Variants in MTTP observed in about 807,000 individuals in gnomAD.
The protein encoded by MTTP is microsomal triglyceride transfer protein large subunit.
In MTTP, 49 loss-of-function variants were observed where a neutral mutation model predicts 90.6. The observed-to-expected ratio is 0.54, with a 90% confidence interval of 0.43 to 0.69. The LOEUF (loss-of-function observed/expected upper bound fraction) is 0.69. Among genes scored for constraint, MTTP ranks in the 30% least tolerant of loss-of-function variants. The probability of loss-of-function intolerance (pLI) is 0.00; values close to 1 mark genes in which losing one functional copy is unlikely to be tolerated. For missense variants in MTTP, 945 were observed against 1,067.5 expected (o/e 0.89, Z 1.60); for synonymous variants, 347 against 384.2 (o/e 0.90, Z 1.13).
chr4:99,591,961 G>A (rs1401496384), intron 6 of MTTP, among the ~76,000 whole-genome samples, 171 bp downstream of exon 6: 1 of 152,034 alleles, frequency 6.6e-6, no homozygotes, highest in Non-Finnish European at 1.5e-5. Context: ...TTTCATCACT[G>A]TGCAAACATC....
chr4:99,622,919 G>GCTCT lies in MTTP; in HGVS notation c.*74_*77dup. ...CACAATGTGGCATGACTAAGTACTT[G>GCTCT]CTCTCTGAGAGCACAGCGTTTACAT... On this transcript the variant is annotated 3_prime_UTR_variant, in exon 18 of 18. Transcript: ENST00000265517. The GCTCT allele has an allele frequency of 6.7e-7, 1 of 1,500,420 alleles. No homozygotes were observed. Among genetic ancestry groups the GCTCT allele is most frequent in the South Asian group, 1.1e-5 (1 of 88,698 alleles). 92.9% of individuals were successfully genotyped at this position (1,500,420 alleles called of 1,614,324 possible). A position where few individuals can be genotyped will look rare whatever the true frequency, so the allele number is the denominator to read the frequency against.
chr4:99,605,235 T>A (rs749622322), intron 10 of MTTP, among the ~76,000 whole-genome samples: 1 of 152,108 alleles, frequency 6.6e-6, no homozygotes, highest in Non-Finnish European at 1.5e-5. Flanking sequence ...GTAAAAAAAA[T>A]CACTCATTAA....
chr4:99,594,938 G>A, intron 7 of MTTP, 55 bp downstream of exon 7: 1 of 1,596,522 alleles, frequency 6.3e-7, no homozygotes, highest in Middle Eastern at 1.7e-4. Flanking sequence ...TTTTCATTTT[G>A]TCTCCAGTGA....
At chr4:99,568,106 C>T (rs113623656) in intron 1 of MTTP, among the ~76,000 whole-genome samples, 1,536 of 152,044 alleles carry the variant, frequency 0.01, 15 homozygotes, top group Middle Eastern at 0.02. Flanking sequence ...AATAAAAGAA[C>T]TCAGACAATA....
intron 11 of MTTP, among the ~76,000 whole-genome samples, chr4:99,607,433 G>A (rs1462096765): frequency 6.6e-6 from 1 of 152,138 alleles, no homozygotes; most frequent in Non-Finnish European, 1.5e-5. Flanking sequence ...CACCAGTTTT[G>A]TGTTGAAGTT....
At chr4:99,603,559 T>A (rs1252902420) in intron 10 of MTTP, among the ~76,000 whole-genome samples, 4 of 152,068 alleles carry the variant, frequency 2.6e-5, no homozygotes, top group African/African-American at 9.7e-5. Flanking sequence ...TGATAAGATG[T>A]GGAAAATGAG....
At chr4:99,569,930 G>A (rs1216713117), upstream of MTTP, among the ~76,000 whole-genome samples, 1 of 151,772 alleles carries the variant, frequency 6.6e-6, no homozygotes, top group Non-Finnish European at 1.5e-5. Flanking sequence ...GAATTGATAC[G>A]CCATAATTTA....
intron 3 of MTTP, among the ~76,000 whole-genome samples, chr4:99,586,496 C>G (rs1725262065): frequency 6.6e-6 from 1 of 152,044 alleles, no homozygotes; most frequent in Non-Finnish European, 1.5e-5. Flanking sequence ...GATTTGCTCT[C>G]TAAATCAGCA....
At chr4:99,619,735 G>T (rs1726183960) in intron 16 of MTTP, among the ~76,000 whole-genome samples, 1 of 152,180 alleles carries the variant, frequency 6.6e-6, no homozygotes, top group South Asian at 2.1e-4. Flanking sequence ...TCAGGCAAAA[G>T]TGAGATATGT....
At chr4:99,584,118 A>G (rs1448948836) in intron 3 of MTTP, 1 of 152,304 alleles carries the variant, frequency 6.6e-6, no homozygotes, top group Non-Finnish European at 1.5e-5. Context: ...TGTTTTAAAA[A>G]TTCTATGTGT....
chr4:99,564,866 A>G (rs1166169201), intron 1 of MTTP, among the ~76,000 whole-genome samples: 2 of 152,234 alleles, frequency 1.3e-5, no homozygotes, highest in African/African-American at 2.4e-5. Flanking sequence ...GAGATTCTCT[A>G]AAAGAGCCGA....
At chr4:99,615,645 A>G (rs566870985) in intron 15 of MTTP, among the ~76,000 whole-genome samples, 1 of 152,354 alleles carries the variant, frequency 6.6e-6, no homozygotes, top group African/African-American at 2.4e-5. Flanking sequence ...AAATGTTGGC[A>G]GTGGGTAGCC....
At chr4:99,622,289 C>T (rs775977399) in intron 17 of MTTP, among the ~76,000 whole-genome samples, 9 of 152,170 alleles carry the variant, frequency 5.9e-5, no homozygotes, top group Non-Finnish European at 1.3e-4. Flanking sequence ...GAATGTTTCT[C>T]TGTCCGCATT....
upstream of MTTP, among the ~76,000 whole-genome samples, chr4:99,570,218 T>C (rs185968702): frequency 2.6e-5 from 4 of 152,146 alleles, no homozygotes; most frequent in Admixed American, 2.6e-4. Flanking sequence ...TTTTCAGTTT[T>C]AGTTTTTCTG....
At chr4:99,583,896 T>C (rs1003524487) in intron 3 of MTTP, 1 of 365,636 alleles carries the variant, frequency 2.7e-6, no homozygotes, top group Non-Finnish European at 4.9e-6. Flanking sequence ...ATTATGAGAC[T>C]GAAATGATCC....
intron 1 of MTTP, among the ~76,000 whole-genome samples, chr4:99,567,622 C>T (rs1578225719): frequency 1.3e-5 from 2 of 152,232 alleles, no homozygotes; most frequent in East Asian, 1.9e-4. Context: ...TGTAAATTCT[C>T]GAAACCAACA....
intron 6 of MTTP, among the ~76,000 whole-genome samples, chr4:99,593,317 T>G (rs1725475024): frequency 6.6e-6 from 1 of 152,300 alleles, no homozygotes; most frequent in Non-Finnish European, 1.5e-5. Flanking sequence ...TTCTAGTTCA[T>G]TTTCTAATTT....
chr4:99,576,552 G>A (rs964616868), intron 1 of MTTP, among the ~76,000 whole-genome samples: 3 of 151,136 alleles, frequency 2.0e-5, no homozygotes, highest in Non-Finnish European at 4.4e-5. Flanking sequence ...AAAATTAGCC[G>A]GGCGTAGTGG....
intron 10 of MTTP, among the ~76,000 whole-genome samples, chr4:99,605,869 A>G (rs78816098): frequency 1.1e-4 from 17 of 149,178 alleles, no homozygotes; most frequent in Non-Finnish European, 1.6e-4. Flanking sequence ...AACCCCATGT[A>G]TGTGTGTGTG....
Sources: gnomAD v4.1 joint callset for allele counts (sites outside exome capture counted in the v4.1 genomes callset) on GRCh38, gnomAD v4.1.1 for gene constraint, MANE v1.5 for transcripts, NCBI Gene and HGNC (gene_info 2026-07-23, HGNC 2026-07-21) for gene names.